ITGA2: variants seen among roughly 807,000 people sequenced by gnomAD.
ITGA2 encodes the protein integrin alpha-2.
ITGA2 carries 101 observed loss-of-function variants against 146.3 expected under a neutral mutation model. The ratio of observed to expected loss-of-function variants is 0.69; its 90% CI spans 0.59 to 0.81. The LOEUF (loss-of-function observed/expected upper bound fraction) is 0.81, where lower values mean the gene tolerates loss of function less well. Ranked by LOEUF, ITGA2 falls within the 40% of genes least tolerant of loss-of-function variation. ITGA2 has a pLI of 0.00. For missense variants in ITGA2, 1,281 were observed against 1,402.7 expected (o/e 0.91, Z 1.39); for synonymous variants, 477 against 487.1 (o/e 0.98, Z 0.27).
chr5:53,004,441 C>G (rs1741729514), intron 1 of ITGA2, among the ~76,000 whole-genome samples: 1 of 152,116 alleles, frequency 6.6e-6, no homozygotes, highest in African/African-American at 2.4e-5. Context: ...AATCAGTACA[C>G]TTGGTATGCA....
intron 16 of ITGA2, among the ~76,000 whole-genome samples, chr5:53,069,241 A>G (rs868638762): frequency 2.0e-5 from 3 of 151,932 alleles, no homozygotes; most frequent in African/African-American, 7.2e-5. Flanking sequence ...ACTTTAGTTG[A>G]AGGTAATAAT....
At chr5:53,025,539 C>T (rs533020676) in intron 1 of ITGA2, among the ~76,000 whole-genome samples, 1 of 152,328 alleles carries the variant, frequency 6.6e-6, no homozygotes, top group East Asian at 1.9e-4. Context: ...CCCGTTGCTT[C>T]ATCATTGACT....
At chr5:53,061,178 C>T (rs565948778) in intron 12 of ITGA2, 132 bp downstream of exon 12, 1 of 856,840 alleles carries the variant, frequency 1.2e-6, no homozygotes, top group Non-Finnish European at 2.0e-6. Context: ...TCTGAGTTTA[C>T]TTAGTGTATT....
At chr5:53,017,934 G>A (rs1163425427) in intron 1 of ITGA2, among the ~76,000 whole-genome samples, 2 of 152,204 alleles carry the variant, frequency 1.3e-5, no homozygotes, top group East Asian at 3.9e-4. Flanking sequence ...GGCTGGGGGA[G>A]GCTGCAGGTA....
chr5:52,994,284 C>G (rs1293838354), intron 1 of ITGA2, among the ~76,000 whole-genome samples: 1 of 152,206 alleles, frequency 6.6e-6, no homozygotes, highest in Non-Finnish European at 1.5e-5. Flanking sequence ...GAAATTGTCT[C>G]AGCCCTGAAG....
At chr5:53,042,000 T>A in intron 2 of ITGA2, 112 bp from the exon 3 acceptor site, 1 of 759,210 alleles carries the variant, frequency 1.3e-6, no homozygotes, top group Non-Finnish European at 2.4e-6. Context: ...GCTGAACAAA[T>A]ATAAACTGTT....
At chr5:53,029,782 A>G (rs1743137229) in intron 2 of ITGA2, among the ~76,000 whole-genome samples, 1 of 152,232 alleles carries the variant, frequency 6.6e-6, no homozygotes, top group Admixed American at 6.5e-5. Context: ...TAAAGGATCA[A>G]CAATTATTTG....
intron 1 of ITGA2, among the ~76,000 whole-genome samples, chr5:53,003,278 A>T (rs888393051): frequency 2.0e-5 from 3 of 152,300 alleles, no homozygotes; most frequent in Admixed American, 2.0e-4. Flanking sequence ...GAGAGGGAAG[A>T]CATTCTCTCT....
Position 53,072,625 on chromosome 5 carries a change from A to G in ITGA2, c.2359A>G (p.Lys787Glu). Residue 787 changes from lysine (K) to glutamate (E), a missense_variant, in exon 19 of 30, where the codon AAA becomes GAA. Lys to Glu is a moderately conservative substitution (Grantham distance 56, BLOSUM62 1). Coordinates refer to ENST00000296585, the MANE Select transcript of ITGA2 (RefSeq NM_002203.4). The stretch of plus-strand genomic sequence containing the variant: ...TCCTTTTTCGTAGATTCCTTTCCAC[A>G]AAGACTGTGGTGAGGACGGACTTTG... ...TAKVFSIPFHKDCGEDGLCIS... is the reference protein window; with the variant it reads ...TAKVFSIPFHEDCGEDGLCIS... 1 of 1,610,658 alleles carries G rather than the reference A, an allele frequency of 6.2e-7. No homozygotes were observed. The highest frequency in any genetic ancestry group is 1.1e-5 in the South Asian group (1 of 90,824).
At chr5:53,061,894 C>T (rs1051556841) in intron 12 of ITGA2, among the ~76,000 whole-genome samples, 5 of 151,864 alleles carry the variant, frequency 3.3e-5, no homozygotes, top group Non-Finnish European at 7.4e-5. Flanking sequence ...TCTTGACTTC[C>T]GTGACCACAA....
At position 53,073,363 on chromosome 5, in the gene ITGA2, A is replaced by G. The variant is rs3815755; in HGVS notation, c.2571+104A>G. On this transcript the variant is annotated intron_variant, in intron 20 of 29. Transcript: ENST00000296585. ...GTTTAAAGAAGCACCTTAACCCTCA[A>G]CATGATCAATCTGAACTTTGTGGCT... 0.085 allele frequency: 104,395 copies of G among 1,226,932 alleles called. 5,242 individuals carry two copies. Among genetic ancestry groups the G allele is most frequent in the African/African-American group, 0.18 (12,243 of 66,808 alleles). The allele number at this position is 1,226,932 out of a possible 1,614,324, so 76.0% of individuals were successfully genotyped here. A position where few individuals can be genotyped will look rare whatever the true frequency, so the allele number is the denominator to read the frequency against.
rs977199713 is a variant in ITGA2 at position 53,094,600 on chromosome 5, C to A, written c.*4001C>A. 6.6e-6 allele frequency: 1 copy of A among 152,052 alleles called. No individual in the cohort carries two copies. The highest frequency in any genetic ancestry group is 2.4e-5 in the African/African-American group (1 of 41,404). 9.4% of individuals were successfully genotyped at this position (152,052 alleles called of 1,614,324 possible). A position where few individuals can be genotyped will look rare whatever the true frequency, so the allele number is the denominator to read the frequency against. On this transcript the variant is annotated 3_prime_UTR_variant, in exon 30 of 30. Transcript: ENST00000296585. ...TGTTTGTACAAAAAGTTGCAGAATT[C>A]ATTTGATTTATGAGAAACAAAAATT...
chr5:53,044,900 T>A (rs563377069), intron 3 of ITGA2, 101 bp from the exon 4 acceptor site: 2 of 808,952 alleles, frequency 2.5e-6, no homozygotes, highest in African/African-American at 3.4e-5. Context: ...GACACTAAAT[T>A]CAATGCTACA....
rs36038124 is a variant in ITGA2 at position 53,022,218 on chromosome 5, T to TG, written c.65-4530_65-4529insG. 6.0e-3 allele frequency among the ~76,000 whole-genome samples: 700 copies of TG among 115,862 alleles called. 5 individuals are homozygous for TG. The highest frequency in any genetic ancestry group is 0.012 in the South Asian group (43 of 3,572). 76.0% of individuals were successfully genotyped at this position (115,862 alleles called of 152,430 possible). A position where few individuals can be genotyped will look rare whatever the true frequency, so the allele number is the denominator to read the frequency against. On this transcript the variant is annotated intron_variant, in intron 1 of 29. Transcript: ENST00000296585. ...TCTGAGTTTCACTGCATTTTTTTTT[T>TG]TGGGGGACAGGGTCTTACTTTGTTG...
intron 6 of ITGA2, among the ~76,000 whole-genome samples, chr5:53,049,373 A>C (rs1744246214): frequency 6.6e-6 from 1 of 152,132 alleles, no homozygotes; most frequent in Non-Finnish European, 1.5e-5. Flanking sequence ...CATGAGTTAC[A>C]TTTTAAAATT....
chr5:52,991,899 A>G lies in ITGA2; in HGVS notation c.64+2367A>G, dbSNP rs897072155. On this transcript the variant is annotated intron_variant, in intron 1 of 29. Transcript: ENST00000296585. ...AGAACATAAGAGGCCTAGATAATCTATAAACTAAATATAGGCCATTAGCAG... is the reference window on the plus strand; with the variant it reads ...AGAACATAAGAGGCCTAGATAATCTGTAAACTAAATATAGGCCATTAGCAG... 4.6e-5 allele frequency among the ~76,000 whole-genome samples: 7 copies of G among 152,356 alleles called. No individual in the cohort carries two copies. In the South Asian group the frequency reaches 8.3e-4, roughly 18 times the overall value.
Position 53,090,674 on chromosome 5 carries a change from T to C in ITGA2, c.*75T>C. 4 of 1,161,326 alleles carry C rather than the reference T, an allele frequency of 3.4e-6. No homozygotes were observed. The highest frequency in any genetic ancestry group is 5.2e-6 in the Non-Finnish European group (4 of 771,896). The allele number at this position is 1,161,326 out of a possible 1,614,324, so 71.9% of individuals were successfully genotyped here. A position where few individuals can be genotyped will look rare whatever the true frequency, so the allele number is the denominator to read the frequency against. On this transcript the variant is annotated 3_prime_UTR_variant, in exon 30 of 30. Transcript: ENST00000296585. ...TGCTGTTTGCGTGAATGGATTTCTT[T>C]TTAAATCCCATATTTTTTTTATCAT...
rs570102567 is a variant in ITGA2, at chr5:53,070,187, A to G, written c.2162A>G (p.Asn721Ser). ...TCCAGGGGGTTATTTAAAGAAAACAATGAAAGGTGCCTGCAGAAGAATATG... is the reference window on the plus strand; with the variant it reads ...TCCAGGGGGTTATTTAAAGAAAACAGTGAAAGGTGCCTGCAGAAGAATATG... ...VTSRGLFKENNERCLQKNMVV... is the reference protein window; with the variant it reads ...VTSRGLFKENSERCLQKNMVV... The change falls in exon 17 of 30, where the codon AAT (asparagine) becomes AGT (serine). Residue 721 changes from asparagine (N) to serine (S), a missense_variant. Physicochemically the swap from Asn to Ser is conservative, Grantham distance 46. Transcript: ENST00000296585. 1 of 1,612,060 alleles carries G rather than the reference A, an allele frequency of 6.2e-7. No homozygotes were observed. Among genetic ancestry groups the G allele is most frequent in the South Asian group, 1.1e-5 (1 of 91,048 alleles).
At position 53,086,934 on chromosome 5, in the gene ITGA2, C is replaced by A; in HGVS notation, c.3259-18C>A. On this transcript the variant is annotated intron_variant, in intron 27 of 29. Coordinates refer to ENST00000296585, the MANE Select transcript of ITGA2 (RefSeq NM_002203.4). ...GCTGCTGCTACGATAAAACATATTC[C>A]TTATTCTTATGTTCCAGTCAACGTT... 1.3e-6 allele frequency: 2 copies of A among 1,588,176 alleles called. No homozygotes were observed. Among genetic ancestry groups the A allele is most frequent in the Non-Finnish European group, 1.7e-6 (2 of 1,156,600 alleles).
Sources: gnomAD v4.1 joint callset for allele counts (sites outside exome capture counted in the v4.1 genomes callset) on GRCh38, gnomAD v4.1.1 for gene constraint, MANE v1.5 for transcripts, NCBI Gene and HGNC (gene_info 2026-07-23, HGNC 2026-07-21) for gene names.